Variants in PARVA observed in about 807,000 individuals in gnomAD.
PARVA encodes the protein alpha-parvin.
In PARVA, 25 loss-of-function variants were observed where a neutral mutation model predicts 52.6. The ratio of observed to expected loss-of-function variants is 0.48; its 90% CI spans 0.35 to 0.66. The LOEUF (loss-of-function observed/expected upper bound fraction) is 0.66. Among genes scored for constraint, PARVA ranks in the 30% least tolerant of loss-of-function variants. The pLI is 0.01. For missense variants in PARVA, 373 were observed against 450.9 expected, an observed-to-expected ratio of 0.83 and a Z score of 1.56; for synonymous variants, 185 against 179.1, an observed-to-expected ratio of 1.03 and a Z score of -0.26.
intron 1 of PARVA, among the ~76,000 whole-genome samples, chr11:12,436,341 G>A (rs766898365): frequency 6.6e-5 from 10 of 152,154 alleles, no homozygotes; most frequent in Non-Finnish European, 1.2e-4. Flanking sequence ...GAGAGAATTA[G>A]CAGAACTGGT....
intron 1 of PARVA, among the ~76,000 whole-genome samples, chr11:12,398,543 G>A (rs1028227975): frequency 3.3e-5 from 5 of 149,856 alleles, no homozygotes; most frequent in African/African-American, 4.9e-5. Flanking sequence ...CTTTTATAAG[G>A]GGTTCACAGT....
intron 4 of PARVA, among the ~76,000 whole-genome samples, chr11:12,491,095 G>C (rs1317534043): frequency 6.6e-6 from 1 of 152,126 alleles, no homozygotes; most frequent in Non-Finnish European, 1.5e-5. Context: ...GTGAATCCAA[G>C]TATACTGGTA....
chr11:12,508,467 C>A (rs1455913856), intron 6 of PARVA, 117 bp from the exon 7 acceptor site: 1 of 774,726 alleles, frequency 1.3e-6, no homozygotes, highest in Non-Finnish European at 2.3e-6. Context: ...ATCTTGGGTG[C>A]ATTTCTTAAA....
chr11:12,482,255 A>G (rs1455210723), intron 4 of PARVA, among the ~76,000 whole-genome samples: 1 of 152,106 alleles, frequency 6.6e-6, no homozygotes, highest in Non-Finnish European at 1.5e-5. Flanking sequence ...TAGAGGCAGA[A>G]GTGTGTGAGA....
intron 1 of PARVA, among the ~76,000 whole-genome samples, chr11:12,451,942 T>G (rs935510654): frequency 6.6e-6 from 1 of 152,114 alleles, no homozygotes; most frequent in Non-Finnish European, 1.5e-5. Context: ...GGTAGCATAG[T>G]AATTACATCT....
chr11:12,427,643 C>CA (rs950481536), intron 1 of PARVA, among the ~76,000 whole-genome samples: 2 of 151,802 alleles, frequency 1.3e-5, no homozygotes, highest in East Asian at 1.9e-4. Flanking sequence ...TAAAGGCATA[C>CA]AAAAAAACAA....
chr11:12,455,931 T>C (rs762212969), intron 1 of PARVA, among the ~76,000 whole-genome samples: 2 of 152,202 alleles, frequency 1.3e-5, no homozygotes, highest in Non-Finnish European at 2.9e-5. Context: ...GCCTGGGTAC[T>C]TTCACCATGC....
At chr11:12,486,446 T>C (rs1941159615) in intron 4 of PARVA, among the ~76,000 whole-genome samples, 1 of 152,030 alleles carries the variant, frequency 6.6e-6, no homozygotes, top group South Asian at 2.1e-4. Flanking sequence ...GGCAGGAGAA[T>C]CGCTTGAACT....
chr11:12,465,869 A>G (rs1314267642), intron 1 of PARVA, among the ~76,000 whole-genome samples: 1 of 152,232 alleles, frequency 6.6e-6, no homozygotes, highest in Non-Finnish European at 1.5e-5. Context: ...AGTTGGGTAA[A>G]TACCTAGGAG....
rs1941010852 is a variant in PARVA, at chr11:12,476,111, G to A, written c.298-1736G>A. ...CTAAGGGTAAGGACGGTCAGAATGG[G>A]CTCCAAATGGTTTAGGCTTCAATGT... is the stretch of plus-strand genomic sequence containing the variant. On this transcript the variant is annotated intron_variant, in intron 3 of 12. Transcript: ENST00000334956. Among the ~76,000 whole-genome samples the A allele has an allele frequency of 5.9e-5, 9 of 152,266 alleles. No individual in the cohort carries two copies. The South Asian group carries it at 1.9e-3, about 32-fold the overall frequency.
At chr11:12,522,975 G>T (rs1372820702) in intron 12 of PARVA, among the ~76,000 whole-genome samples, 1 of 152,136 alleles carries the variant, frequency 6.6e-6, no homozygotes, top group Non-Finnish European at 1.5e-5. Flanking sequence ...AGGGAATGTA[G>T]AAGGGGGAGG....
intron 12 of PARVA, among the ~76,000 whole-genome samples, chr11:12,524,947 G>A (rs1292122308): frequency 6.6e-6 from 1 of 152,228 alleles, no homozygotes; most frequent in African/African-American, 2.4e-5. Flanking sequence ...CCCAGGCGGG[G>A]GTCAGGAAGG....
chr11:12,450,009 C>T (rs910295576), intron 1 of PARVA, among the ~76,000 whole-genome samples: 10 of 152,192 alleles, frequency 6.6e-5, no homozygotes, highest in Non-Finnish European at 1.2e-4. Flanking sequence ...CAAACCCTTC[C>T]TGCATATTTA....
chr11:12,393,937 T>C (rs2134957422), intron 1 of PARVA, among the ~76,000 whole-genome samples: 1 of 152,324 alleles, frequency 6.6e-6, no homozygotes, highest in Non-Finnish European at 1.5e-5. Flanking sequence ...CTCAGTTTTC[T>C]TCCCACATAT....
chr11:12,381,529 C>G (rs1356456736), intron 1 of PARVA, among the ~76,000 whole-genome samples: 1 of 152,144 alleles, frequency 6.6e-6, no homozygotes, highest in African/African-American at 2.4e-5. Context: ...GACCCTTGAA[C>G]TATGTGGGGG....
chr11:12,471,682 C>A (rs1940936399), intron 1 of PARVA, among the ~76,000 whole-genome samples: 1 of 152,222 alleles, frequency 6.6e-6, no homozygotes, highest in African/African-American at 2.4e-5. Context: ...CTTTCTACAT[C>A]CATGCTGTCT....
intron 4 of PARVA, chr11:12,478,173 C>G (rs930448376): frequency 3.2e-6 from 2 of 625,700 alleles, no homozygotes; most frequent in African/African-American, 1.8e-5. Flanking sequence ...GGTGGGCCTG[C>G]TCCTTCTAGC....
chr11:12,533,623 A>C lies in PARVA; in HGVS notation c.*5698A>C, dbSNP rs534037359. ...ACGTAACTATAATACTAATAGCCTT[A>C]CTGAACACGGTCAATTAACACATAG... On this transcript the variant is annotated 3_prime_UTR_variant, in exon 13 of 13. Transcript: ENST00000334956. 3.3e-5 allele frequency among the ~76,000 whole-genome samples: 5 copies of C among 152,350 alleles called. No individual in the cohort carries two copies. The highest frequency in any genetic ancestry group is 7.2e-5 in the African/African-American group (3 of 41,574).
intron 3 of PARVA, among the ~76,000 whole-genome samples, chr11:12,475,751 C>A (rs957560153): frequency 6.6e-6 from 1 of 152,238 alleles, no homozygotes; most frequent in Admixed American, 6.5e-5. Flanking sequence ...GCAGCCTTGG[C>A]TAGGCCGCCA....
Sources: allele counts gnomAD v4.1 joint callset (sites outside exome capture counted in the v4.1 genomes callset), GRCh38; gene constraint gnomAD v4.1.1; transcripts MANE v1.5; gene names NCBI Gene and HGNC (gene_info 2026-07-23, HGNC 2026-07-21).